The following RSU1 variants were observed in gnomAD, a reference collection of about 807,000 sequenced individuals.
RSU1 encodes rsu-1.
RSU1 carries 26 observed loss-of-function variants against 31.1 expected under a neutral mutation model. The ratio of observed to expected loss-of-function variants is 0.84; its 90% CI spans 0.61 to 1.16. The LOEUF is 1.16. Among genes scored for constraint, RSU1 ranks in the 50% most tolerant of loss-of-function variants. The pLI, the probability that RSU1 is intolerant of heterozygous loss-of-function variation, is 0.00. For synonymous variants in RSU1, 164 were observed against 136.3 expected (o/e 1.20, Z -1.41); for missense variants, 320 against 339.1 (o/e 0.94, Z 0.44).
At chr10:16,741,550 C>T (rs1448707667) in intron 7 of RSU1, among the ~76,000 whole-genome samples, 2 of 151,856 alleles carry the variant, frequency 1.3e-5, no homozygotes, top group Non-Finnish European at 1.5e-5. Context: ...GTGAAAATTC[C>T]AAGGAGAGAG....
chr10:16,739,466 CTTTTTTTTTTT>C (rs35664560), intron 7 of RSU1, among the ~76,000 whole-genome samples: 34 of 94,248 alleles, frequency 3.6e-4, no homozygotes, highest in African/African-American at 4.2e-5. Context: ...CATTTTCTTC[CTTTTTTTTTTT>C]TTTTTTTTTT....
intron 8 of RSU1, among the ~76,000 whole-genome samples, chr10:16,596,851 T>A (rs746557961): frequency 6.6e-6 from 1 of 152,142 alleles, no homozygotes. Context: ...GTCTCCCAAG[T>A]AGCTGGAATT....
rs12261037 is a variant in RSU1 at position 16,795,411 on chromosome 10, T to C, written c.110-13327A>G. Among the ~76,000 whole-genome samples, 1,094 of 148,936 alleles carry C rather than the reference T, an allele frequency of 7.3e-3. 13 individuals carry two copies. Among genetic ancestry groups the C allele is most frequent in the African/African-American group, 0.026 (1,041 of 40,542 alleles). On this transcript the variant is annotated intron_variant, in intron 2 of 8. Transcript: ENST00000345264. ...TAAGGTAATAACAAACAACAATAGC[T>C]AATGCTTACCAAATGCTTAAAACAT...
At chr10:16,634,816 T>C (rs1834319319) in intron 8 of RSU1, among the ~76,000 whole-genome samples, 1 of 152,238 alleles carries the variant, frequency 6.6e-6, no homozygotes, top group Non-Finnish European at 1.5e-5. Flanking sequence ...TGCTAAGACT[T>C]AGCTGTGGCT....
intron 8 of RSU1, among the ~76,000 whole-genome samples, chr10:16,677,963 T>C (rs527872213): frequency 6.9e-6 from 1 of 144,960 alleles, no homozygotes; most frequent in African/African-American, 2.4e-5. Flanking sequence ...GTCATCTTAG[T>C]TGACAGCTTA....
intron 8 of RSU1, among the ~76,000 whole-genome samples, chr10:16,634,134 G>T (rs1265884172): frequency 2.0e-5 from 3 of 152,240 alleles, no homozygotes; most frequent in Non-Finnish European, 4.4e-5. Flanking sequence ...GGAACAGCTA[G>T]AAGATTAACA....
At chr10:16,738,866 C>T (rs557836361) in intron 7 of RSU1, among the ~76,000 whole-genome samples, 42 of 144,884 alleles carry the variant, frequency 2.9e-4, no homozygotes, top group East Asian at 1.4e-3. Context: ...CCTTGCCCCC[C>T]ACCCCCCCAG....
At chr10:16,731,378 C>G (rs1364918736) in intron 7 of RSU1, among the ~76,000 whole-genome samples, 1 of 148,150 alleles carries the variant, frequency 6.7e-6, no homozygotes, top group African/African-American at 2.5e-5. Context: ...TGCAGTGAGC[C>G]GAGATAGCAC....
chr10:16,746,110 T>C (rs1836848405), intron 7 of RSU1, among the ~76,000 whole-genome samples: 1 of 152,168 alleles, frequency 6.6e-6, no homozygotes, highest in South Asian at 2.1e-4. Context: ...GAGTATATAA[T>C]TGAGAGGAAA....
chr10:16,757,645 AGAGGGTGAG>A (rs566475697), intron 4 of RSU1, among the ~76,000 whole-genome samples: 84 of 152,332 alleles, frequency 5.5e-4, no homozygotes, highest in Non-Finnish European at 1.1e-3. Flanking sequence ...ACAGCCTAAG[AGAGGGTGAG>A]GAGCCAAGAC....
intron 8 of RSU1, among the ~76,000 whole-genome samples, chr10:16,616,953 T>C (rs568361094): frequency 9.2e-5 from 14 of 152,270 alleles, no homozygotes; most frequent in African/African-American, 3.4e-4. Flanking sequence ...AAAGATGCCC[T>C]CTCTCACCAC....
chr10:16,653,551 A>C (rs1834723025), intron 8 of RSU1, among the ~76,000 whole-genome samples: 1 of 152,116 alleles, frequency 6.6e-6, no homozygotes, highest in African/African-American at 2.4e-5. Flanking sequence ...TTTTTTCTTA[A>C]ATATTCATTC....
At chr10:16,617,744 A>G (rs947480006) in intron 8 of RSU1, among the ~76,000 whole-genome samples, 34 of 152,184 alleles carry the variant, frequency 2.2e-4, no homozygotes, top group Admixed American at 4.6e-4. Flanking sequence ...AGGATTCCCT[A>G]TTTCATTAAT....
At chr10:16,814,463 A>AG (rs1564367470) in intron 2 of RSU1, among the ~76,000 whole-genome samples, 1 of 143,656 alleles carries the variant, frequency 7.0e-6, no homozygotes, top group Non-Finnish European at 1.5e-5. Context: ...AAAAAAAAAA[A>AG]AAAAAGAAAA....
chr10:16,812,958 C>T (rs1273268368), intron 2 of RSU1, among the ~76,000 whole-genome samples: 1 of 150,472 alleles, frequency 6.6e-6, no homozygotes, highest in East Asian at 2.0e-4. Flanking sequence ...AGAATAAAAT[C>T]AGCAGCATTA....
At chr10:16,707,515 T>G (rs796256893) in intron 7 of RSU1, among the ~76,000 whole-genome samples, 1 of 152,148 alleles carries the variant, frequency 6.6e-6, no homozygotes, top group African/African-American at 2.4e-5. Flanking sequence ...TGGCCATCTG[T>G]ATGTCTGCTT....
At chr10:16,799,803 C>G (rs563729443) in intron 2 of RSU1, among the ~76,000 whole-genome samples, 1 of 152,110 alleles carries the variant, frequency 6.6e-6, no homozygotes, top group Non-Finnish European at 1.5e-5. Context: ...AACTCCAGCC[C>G]GCTCACACCT....
intron 2 of RSU1, among the ~76,000 whole-genome samples, chr10:16,805,977 T>C (rs1456133887): frequency 2.0e-5 from 3 of 152,144 alleles, no homozygotes; most frequent in Non-Finnish European, 4.4e-5. Context: ...TCTCAGGACT[T>C]AAAGGGAGAG....
chr10:16,716,429 G>T (rs1428104570), intron 7 of RSU1, among the ~76,000 whole-genome samples: 1 of 152,126 alleles, frequency 6.6e-6, no homozygotes, highest in Non-Finnish European at 1.5e-5. Flanking sequence ...CTGATCCTAA[G>T]CAGTTCTGAG....
Sources: gnomAD v4.1 joint callset for allele counts (sites outside exome capture counted in the v4.1 genomes callset) on GRCh38, gnomAD v4.1.1 for gene constraint, MANE v1.5 for transcripts, NCBI Gene and HGNC (gene_info 2026-07-23, HGNC 2026-07-21) for gene names.